Variants in ZHX3 observed in about 807,000 individuals in gnomAD.
ZHX3 encodes zinc fingers and homeoboxes 3.
ZHX3 carries 20 observed loss-of-function variants against 64.5 expected under a neutral mutation model. The ratio of observed to expected loss-of-function variants is 0.31; its 90% confidence interval spans 0.22 to 0.45. The LOEUF (loss-of-function observed/expected upper bound fraction) is 0.45. Among genes scored for constraint, ZHX3 ranks in the 20% least tolerant of loss-of-function variants. The probability of loss-of-function intolerance (pLI) is 1.00; values close to 1 mark genes in which losing one functional copy is unlikely to be tolerated. For synonymous variants in ZHX3, 423 were observed against 461.6 expected, an observed-to-expected ratio of 0.92 and a Z score of 1.07; for missense variants, 1,041 against 1,195.8, an observed-to-expected ratio of 0.87 and a Z score of 1.91.
intron 3 of ZHX3, among the ~76,000 whole-genome samples, chr20:41,198,877 GCTTGATGAT>G (rs2037987325): frequency 1.3e-5 from 2 of 151,964 alleles, no homozygotes; most frequent in Non-Finnish European, 2.9e-5. Context: ...ACATTAGTAT[GCTTGATGAT>G]GTCTCACAGC....
In ZHX3 at chr20:41,247,162, C is replaced by T. The variant is rs768862562; in HGVS notation, c.-151+21828G>A. 5.1e-4 allele frequency among the ~76,000 whole-genome samples: 78 copies of T among 151,824 alleles called. No individual in the cohort carries two copies. In the Middle Eastern group the frequency reaches 0.017, roughly 33 times the overall value. On this transcript the variant is annotated intron_variant, in intron 2 of 3. Transcript: ENST00000683867. ...CATGCCTGCAGTTCCAGCTACTTGGCGGGGCTGAGACAGGAGGATTGCCTG... is the reference window on the plus strand; with the variant it reads ...CATGCCTGCAGTTCCAGCTACTTGGTGGGGCTGAGACAGGAGGATTGCCTG...
chr20:41,184,616 C>G lies in ZHX3; in HGVS notation c.*575G>C, dbSNP rs6072302. On this transcript the variant is annotated 3_prime_UTR_variant, in exon 4 of 4. Coordinates refer to ENST00000683867, the MANE Select transcript of ZHX3 (RefSeq NM_001384317.1). Reference sequence around the variant, plus strand: ...GGTCATCACTTAATGCAGCAGAGATCTCTTCAAAGGTACTGCTTCCTTGAG... The same window carrying G: ...GGTCATCACTTAATGCAGCAGAGATGTCTTCAAAGGTACTGCTTCCTTGAG... The G allele has an allele frequency of 0.14, 53,179 of 387,146 alleles. 4,458 individuals carry two copies. Among genetic ancestry groups the G allele is most frequent in the Non-Finnish European group, 0.16 (34,614 of 210,690 alleles). The allele number at this position is 387,146 out of a possible 1,614,324, so 24.0% of individuals were successfully genotyped here.
chr20:41,241,807 G>C (rs1410696850), intron 2 of ZHX3, among the ~76,000 whole-genome samples: 1 of 152,104 alleles, frequency 6.6e-6, no homozygotes, highest in East Asian at 1.9e-4. Context: ...TTTTGATAGA[G>C]ATTGCATTGA....
chr20:41,222,920 AAAGAAAG>A (rs1320985334), intron 2 of ZHX3, among the ~76,000 whole-genome samples: 5 of 151,152 alleles, frequency 3.3e-5, no homozygotes, highest in Admixed American at 3.3e-4. Context: ...AAAAAAAAAA[AAAGAAAG>A]AAAGAAAGAA....
Position 41,181,651 on chromosome 20 carries a change from GGAGA to G in ZHX3, c.*3536_*3539del, listed in dbSNP as rs1288376152. 2 of 152,296 alleles carry G rather than the reference GGAGA, an allele frequency of 1.3e-5. No homozygotes were observed. The highest frequency in any genetic ancestry group is 2.9e-5 in the Non-Finnish European group (2 of 68,120). The allele number at this position is 152,296 out of a possible 1,614,324, so 9.4% of individuals were successfully genotyped here. A position where few individuals can be genotyped will look rare whatever the true frequency, so the allele number is the denominator to read the frequency against. ...GCCAGGGACAGATGTCCCAGAGCCAGGAGAGAGAGGGAGAGAACACAGGACCTGC... is the reference window on the plus strand; with the variant it reads ...GCCAGGGACAGATGTCCCAGAGCCAGGAGAGGGAGAGAACACAGGACCTGC... On this transcript the variant is annotated 3_prime_UTR_variant, in exon 4 of 4. Coordinates refer to ENST00000683867, the MANE Select transcript of ZHX3 (RefSeq NM_001384317.1).
chr20:41,277,666 A>C (rs1205343446), intron 1 of ZHX3, among the ~76,000 whole-genome samples: 1 of 149,808 alleles, frequency 6.7e-6, no homozygotes, highest in Non-Finnish European at 1.5e-5. Flanking sequence ...ATCTCCGCTC[A>C]CTGCAAGCTC....
intron 2 of ZHX3, among the ~76,000 whole-genome samples, chr20:41,244,853 C>T (rs1459540410): frequency 2.0e-5 from 3 of 152,172 alleles, no homozygotes; most frequent in African/African-American, 7.2e-5. Context: ...CCTTCTCGGC[C>T]ATCTCCTATT....
intron 1 of ZHX3, among the ~76,000 whole-genome samples, chr20:41,310,358 C>T (rs2045095061): frequency 6.6e-6 from 1 of 152,192 alleles, no homozygotes. Flanking sequence ...CTGACCTCTT[C>T]CCATTTATTC....
chr20:41,311,193 A>C (rs1038181781), intron 1 of ZHX3, among the ~76,000 whole-genome samples: 7 of 152,226 alleles, frequency 4.6e-5, no homozygotes, highest in Non-Finnish European at 1.0e-4. Context: ...ACTCTTATCC[A>C]AACTCTAAAT....
intron 2 of ZHX3, among the ~76,000 whole-genome samples, chr20:41,222,883 T>C (rs1008211854): frequency 7.3e-5 from 11 of 150,852 alleles, no homozygotes; most frequent in Middle Eastern, 3.4e-3. Context: ...GTGAGCTCAC[T>C]TGAATTTCTC....
At chr20:41,281,974 G>A (rs193043472) in intron 1 of ZHX3, among the ~76,000 whole-genome samples, 83 of 152,278 alleles carry the variant, frequency 5.5e-4, no homozygotes, top group African/African-American at 2.0e-3. Flanking sequence ...GGTGCTGGCA[G>A]GGAAGATGGA....
chr20:41,270,699 T>C, intron 1 of ZHX3, among the ~76,000 whole-genome samples: 1 of 151,808 alleles, frequency 6.6e-6, no homozygotes. Flanking sequence ...AAAAGTATTA[T>C]GCACTATGCT....
chr20:41,309,914 C>T (rs1169668973), intron 1 of ZHX3, among the ~76,000 whole-genome samples: 1 of 152,192 alleles, frequency 6.6e-6, no homozygotes, highest in Non-Finnish European at 1.5e-5. Context: ...TAGCAAAACA[C>T]AGGAATCTGT....
At chr20:41,300,556 C>A (rs2044762841) in intron 1 of ZHX3, among the ~76,000 whole-genome samples, 1 of 152,132 alleles carries the variant, frequency 6.6e-6, no homozygotes, top group Non-Finnish European at 1.5e-5. Flanking sequence ...GGAGACAAGT[C>A]AACAGGGTGC....
At chr20:41,189,130 G>A (rs2036789345) in intron 3 of ZHX3, among the ~76,000 whole-genome samples, 1 of 152,096 alleles carries the variant, frequency 6.6e-6, no homozygotes, top group African/African-American at 2.4e-5. Flanking sequence ...TGGCACCTTT[G>A]TTGAAAATCA....
rs1486393419 is a variant in ZHX3, at chr20:41,184,699, G to A, written c.*492C>T. 2 of 599,434 alleles carry A rather than the reference G, an allele frequency of 3.3e-6. No individual in the cohort carries two copies. The highest frequency in any genetic ancestry group is 5.7e-6 in the Non-Finnish European group (2 of 347,904). 37.1% of individuals were successfully genotyped at this position (599,434 alleles called of 1,614,324 possible). ...GTAGCTTTGTGCCTATAACTTCCCT[G>A]CCTGACTGTGGAAGGTGAGGGGCAC... is the stretch of plus-strand genomic sequence containing the variant. On this transcript the variant is annotated 3_prime_UTR_variant, in exon 4 of 4. Transcript: ENST00000683867.
chr20:41,221,000 A>C (rs1337280142), intron 2 of ZHX3, among the ~76,000 whole-genome samples: 2 of 151,942 alleles, frequency 1.3e-5, no homozygotes, highest in African/African-American at 4.8e-5. Context: ...CACATTTTTC[A>C]ATTGGAAAAA....
intron 1 of ZHX3, among the ~76,000 whole-genome samples, 177 bp from the exon 2 acceptor site, chr20:41,269,260 T>G (rs1338760351): frequency 6.6e-6 from 1 of 152,222 alleles, no homozygotes; most frequent in African/African-American, 2.4e-5. Context: ...AATTTGAAAC[T>G]ATTAAAATTC....
intron 1 of ZHX3, among the ~76,000 whole-genome samples, chr20:41,270,563 C>T (rs1281545818): frequency 6.6e-6 from 1 of 151,814 alleles, no homozygotes; most frequent in Admixed American, 6.6e-5. Context: ...GTAGTCCCAG[C>T]TACTCGGGAG....
Sources: allele counts gnomAD v4.1 joint callset (sites outside exome capture counted in the v4.1 genomes callset), GRCh38; gene constraint gnomAD v4.1.1; transcripts MANE v1.5; gene names NCBI Gene and HGNC (gene_info 2026-07-23, HGNC 2026-07-21).